DRC4: variants seen among roughly 807,000 people sequenced by gnomAD.
DRC4 encodes dynein regulatory complex subunit 4, also known as GAS-11.
chr16:90,022,305 G>C, the DRC4 span: 1 of 173,546 alleles, frequency 5.8e-6, no homozygotes, highest in Non-Finnish European at 1.2e-5. Flanking sequence ...GCCCAGATTT[G>C]AATCTCATTT....
the DRC4 span, chr16:90,035,983 A>ATTTT: frequency 8.6e-7 from 1 of 1,159,664 alleles, no homozygotes; most frequent in Non-Finnish European, 1.2e-6. Context: ...AGCCTTCTTA[A>ATTTT]AATAGTCTTC....
At chr16:90,026,165 G>A in the DRC4 span, among the ~76,000 whole-genome samples, 2 of 152,092 alleles carry the variant, frequency 1.3e-5, no homozygotes, top group African/African-American at 4.8e-5. Flanking sequence ...AGCATGGGCT[G>A]AAGACTACTG....
chr16:90,042,252 A>G, the DRC4 span: 1 of 602,112 alleles, frequency 1.7e-6, no homozygotes, highest in Admixed American at 2.1e-5. Flanking sequence ...GTTGCTGGAG[A>G]GGCAGGTTGT....
At chr16:90,039,093 C>T in the DRC4 span, among the ~76,000 whole-genome samples, 3 of 152,232 alleles carry the variant, frequency 2.0e-5, no homozygotes, top group African/African-American at 7.2e-5. Context: ...TGTGCCAACT[C>T]TTGGCACCTA....
At chr16:90,036,348 T>A in the DRC4 span, 1 of 1,562,692 alleles carries the variant, frequency 6.4e-7, no homozygotes, top group Non-Finnish European at 8.7e-7. Flanking sequence ...CACGTCTTCC[T>A]CTGCTAAGCT....
the DRC4 span, chr16:90,037,340 G>A: frequency 6.2e-7 from 1 of 1,614,062 alleles, no homozygotes; most frequent in South Asian, 1.1e-5. Context: ...GGCTCGGGAG[G>A]AGATGAGCGA....
chr16:90,022,706 C>A, the DRC4 span: 2 of 1,423,526 alleles, frequency 1.4e-6, no homozygotes, highest in African/African-American at 2.9e-5. Context: ...CGCCGCTGGG[C>A]CTGTCCGCTG....
At chr16:90,042,833 C>A in the DRC4 span, 1 of 508,832 alleles carries the variant, frequency 2.0e-6, no homozygotes, top group South Asian at 2.3e-5. Context: ...GCTGTGCCCA[C>A]CGGGGAAGGA....
At chr16:90,036,749 A>G in the DRC4 span, 2 of 739,250 alleles carry the variant, frequency 2.7e-6, no homozygotes, top group South Asian at 1.5e-5. Flanking sequence ...TGAAATTCCT[A>G]AATAACGTAA....
chr16:90,036,942 C>T, the DRC4 span: 16 of 555,902 alleles, frequency 2.9e-5, no homozygotes, highest in African/African-American at 2.8e-4. Flanking sequence ...GTGTCATCGT[C>T]ACTGCATGCT....
At chr16:90,035,576 G>T in the DRC4 span, 13 of 1,611,124 alleles carry the variant, frequency 8.1e-6, no homozygotes, top group Non-Finnish European at 1.1e-5. Context: ...CAGCCTGAAG[G>T]GAGCGGGCTT....
the DRC4 span, among the ~76,000 whole-genome samples, chr16:90,027,231 G>T: frequency 2.0e-5 from 3 of 151,946 alleles, no homozygotes; most frequent in Non-Finnish European, 4.4e-5. Flanking sequence ...GACTACAGGC[G>T]CCCACCGGCA....
At chr16:90,020,137 C>G in the DRC4 span, 3 of 559,760 alleles carry the variant, frequency 5.4e-6, no homozygotes, top group Non-Finnish European at 9.5e-6. Flanking sequence ...AAATTATATA[C>G]ACATTAGATC....
At chr16:90,037,354 G>A in the DRC4 span, 1 of 1,614,036 alleles carries the variant, frequency 6.2e-7, no homozygotes, top group South Asian at 1.1e-5. Flanking sequence ...TGAGCGAGAT[G>A]CAGAAACAGC....
At chr16:90,022,808 C>T in the DRC4 span, 1 of 1,219,854 alleles carries the variant, frequency 8.2e-7, no homozygotes, top group Non-Finnish European at 1.1e-6. Flanking sequence ...CACGGAGACC[C>T]TGGGAATGGG....
At chr16:90,037,538 C>T in the DRC4 span, 39 of 1,102,482 alleles carry the variant, frequency 3.5e-5, no homozygotes, top group Admixed American at 1.3e-4. Flanking sequence ...TTCTCTGCCT[C>T]GTGTTCTCCT....
chr16:90,040,246 G>A, the DRC4 span: 1 of 1,513,892 alleles, frequency 6.6e-7, no homozygotes, highest in Non-Finnish European at 8.9e-7. Context: ...TCTTCCCAGC[G>A]AGATGTCCCC....
the DRC4 span, chr16:90,037,376 G>T: frequency 6.2e-7 from 1 of 1,613,588 alleles, no homozygotes; most frequent in Admixed American, 1.7e-5. Flanking sequence ...CGCAAACTAC[G>T]AGAGGGACAA....
At chr16:90,026,638 G>A in the DRC4 span, among the ~76,000 whole-genome samples, 2 of 152,198 alleles carry the variant, frequency 1.3e-5, no homozygotes, top group African/African-American at 2.4e-5. Flanking sequence ...CCACAGCAGA[G>A]GTCTTTACTT....
Sources: allele counts gnomAD v4.1 joint callset (sites outside exome capture counted in the v4.1 genomes callset), GRCh38; gene constraint gnomAD v4.1.1; transcripts MANE v1.5; gene names NCBI Gene and HGNC (gene_info 2026-07-23, HGNC 2026-07-21).